DIAPH2: variants seen among roughly 807,000 people sequenced by gnomAD.
The protein encoded by DIAPH2 is diaphanous related formin 2.
A neutral mutation model predicts 92.7 loss-of-function variants in DIAPH2; 35 were observed. The ratio of observed to expected loss-of-function variants is 0.38; its 90% confidence interval spans 0.29 to 0.50. DIAPH2 has a LOEUF of 0.50. Among genes scored for constraint, DIAPH2 ranks in the 20% least tolerant of loss-of-function variants. The probability of loss-of-function intolerance (pLI) is 0.94; values close to 1 mark genes in which losing one functional copy is unlikely to be tolerated. For synonymous variants in DIAPH2, 301 were observed against 280.4 expected (o/e 1.07, Z -0.73); for missense variants, 701 against 819.5 (o/e 0.86, Z 1.77).
chrX:97,065,746 A>T (rs2066629650), intron 17 of DIAPH2, among the ~76,000 whole-genome samples: 1 of 111,084 alleles, frequency 9.0e-6, no homozygotes, highest in African/African-American at 3.3e-5. Flanking sequence ...AGTCATTGTT[A>T]TCATAGGAGG....
In DIAPH2 at chrX:96,844,810, C is replaced by T. The variant is rs757437934; in HGVS notation, c.448-36769C>T. Among the ~76,000 whole-genome samples the T allele has an allele frequency of 3.4e-4, 38 of 111,940 alleles. 1 individual carries two copies. Among genetic ancestry groups the T allele is most frequent in the African/African-American group, 5.8e-4 (18 of 30,885 alleles). On this transcript the variant is annotated intron_variant, in intron 4 of 26. Transcript: ENST00000324765. ...TGTTATTTCACGTCAATACACTAAA[C>T]TTCTCTGAACCCCCCTATTCATCGA...
chrX:96,904,528 AT>A (rs1231643490), intron 5 of DIAPH2, among the ~76,000 whole-genome samples: 1 of 111,551 alleles, frequency 9.0e-6, no homozygotes, highest in African/African-American at 3.3e-5. Context: ...ATGTTTATAT[AT>A]TTTTTAGTGG....
chrX:96,968,472 G>T (rs2065907628), intron 17 of DIAPH2, among the ~76,000 whole-genome samples: 1 of 111,407 alleles, frequency 9.0e-6, no homozygotes, highest in African/African-American at 3.3e-5. Flanking sequence ...ACCTGCCTCA[G>T]CCTTCCAAAG....
chrX:96,807,349 T>A (rs1304164331), intron 4 of DIAPH2, among the ~76,000 whole-genome samples: 1 of 111,534 alleles, frequency 9.0e-6, no homozygotes, highest in Non-Finnish European at 1.9e-5. Flanking sequence ...TTTTAGCAAA[T>A]AAACTCTTGA....
At chrX:97,248,310 A>T (rs1244662324) in intron 23 of DIAPH2, among the ~76,000 whole-genome samples, 1 of 111,589 alleles carries the variant, frequency 9.0e-6, no homozygotes, top group African/African-American at 3.2e-5. Context: ...GGATAAATGG[A>T]TACATGGTTG....
intron 26 of DIAPH2, among the ~76,000 whole-genome samples, chrX:97,480,826 G>A (rs1293275212): frequency 8.9e-6 from 1 of 111,772 alleles, no homozygotes; most frequent in South Asian, 3.8e-4. Context: ...TAGAATGGTT[G>A]TCCATTATTG....
chrX:97,499,827 A>G (rs1319513412), intron 26 of DIAPH2, among the ~76,000 whole-genome samples: 1 of 112,462 alleles, frequency 8.9e-6, no homozygotes, highest in Non-Finnish European at 1.9e-5. Flanking sequence ...CATTTCTACT[A>G]TGTAAATAGA....
chrX:97,530,527 G>T (rs1342287656), intron 26 of DIAPH2, among the ~76,000 whole-genome samples: 1 of 111,313 alleles, frequency 9.0e-6, no homozygotes, highest in Non-Finnish European at 1.9e-5. Flanking sequence ...TACTCCAGCT[G>T]CCTATAAATG....
At chrX:97,319,177 A>C (rs1448335920) in intron 23 of DIAPH2, among the ~76,000 whole-genome samples, 2 of 112,200 alleles carry the variant, frequency 1.8e-5, no homozygotes, top group African/African-American at 6.5e-5. Context: ...AGAAATTGAT[A>C]ATTTGTTCTC....
intron 17 of DIAPH2, among the ~76,000 whole-genome samples, chrX:96,966,754 A>G (rs771999115): frequency 3.6e-5 from 4 of 111,813 alleles, no homozygotes; most frequent in Non-Finnish European, 7.5e-5. Context: ...GACTCCATAT[A>G]TGCTGTTTTT....
At chrX:97,184,929 G>A (rs746715909) in intron 22 of DIAPH2, among the ~76,000 whole-genome samples, 6 of 109,426 alleles carry the variant, frequency 5.5e-5, no homozygotes, top group Non-Finnish European at 1.1e-4. Context: ...AGAGGTAAAT[G>A]TCCAATGACA....
At chrX:96,692,595 G>A (rs917085299) in intron 1 of DIAPH2, among the ~76,000 whole-genome samples, 1 of 111,764 alleles carries the variant, frequency 8.9e-6, no homozygotes, top group Admixed American at 9.6e-5. Context: ...CTATACAAGG[G>A]TGGATAGACT....
intron 26 of DIAPH2, among the ~76,000 whole-genome samples, chrX:97,594,506 T>A (rs943537437): frequency 8.9e-6 from 1 of 112,753 alleles, no homozygotes; most frequent in Non-Finnish European, 1.9e-5. Context: ...TGCAAATAGC[T>A]ACTCTATGGA....
intron 24 of DIAPH2, among the ~76,000 whole-genome samples, chrX:97,374,059 AT>A (rs1036427996): frequency 2.8e-5 from 3 of 108,146 alleles, no homozygotes; most frequent in African/African-American, 1.0e-4. Context: ...TGGAAGCACT[AT>A]TTTTTTTTCA....
At chrX:97,445,420 T>G (rs977092999) in intron 26 of DIAPH2, among the ~76,000 whole-genome samples, 8 of 108,164 alleles carry the variant, frequency 7.4e-5, no homozygotes, top group Non-Finnish European at 1.3e-4. Flanking sequence ...GTTTCTTTTT[T>G]CTTTTTCTTT....
intron 4 of DIAPH2, among the ~76,000 whole-genome samples, chrX:96,813,617 A>C (rs769939919): frequency 0.012 from 1,294 of 111,398 alleles, 15 homozygotes; most frequent in African/African-American, 0.035. Context: ...TCTTCCTACC[A>C]TCGATGGTCT....
intron 12 of DIAPH2, 50 bp from the exon 13 acceptor site, chrX:96,941,968 T>A: frequency 2.9e-6 from 2 of 681,736 alleles, no homozygotes; most frequent in Non-Finnish European, 4.6e-6. Flanking sequence ...TAAAGCAAAT[T>A]GATCTGCATG....
chrX:96,783,355 C>A (rs1387565791), intron 4 of DIAPH2, among the ~76,000 whole-genome samples: 2 of 112,036 alleles, frequency 1.8e-5, no homozygotes, highest in Non-Finnish European at 3.8e-5. Context: ...GCTTCTTGGA[C>A]AGAAGATACA....
At position 97,484,707 on chromosome X, in the gene DIAPH2, G is replaced by A. The variant is rs757246701; in HGVS notation, c.3241+54962G>A. On this transcript the variant is annotated intron_variant, in intron 26 of 26. Coordinates refer to ENST00000324765, the MANE Select transcript of DIAPH2 (RefSeq NM_006729.5). Reference sequence around the variant, plus strand: ...ATGTCAGGAGATCGAGACCATCCTGGCTAACACGGTGAAACCCCATCTCTA... The same window carrying A: ...ATGTCAGGAGATCGAGACCATCCTGACTAACACGGTGAAACCCCATCTCTA... 4.5e-5 allele frequency among the ~76,000 whole-genome samples: 5 copies of A among 111,243 alleles called. No individual in the cohort carries two copies. The East Asian group carries it at 1.4e-3, about 31-fold the overall frequency.
Sources: gnomAD v4.1 joint callset for allele counts (sites outside exome capture counted in the v4.1 genomes callset) on GRCh38, gnomAD v4.1.1 for gene constraint, MANE v1.5 for transcripts, NCBI Gene and HGNC (gene_info 2026-07-23, HGNC 2026-07-21) for gene names.